Variants in TTLL5 observed in about 807,000 individuals in gnomAD.
TTLL5 encodes the protein tubulin tyrosine ligase like 5.
A neutral mutation model predicts 168.4 loss-of-function variants in TTLL5; 132 were observed. The observed-to-expected ratio is 0.78, with a 90% CI of 0.68 to 0.91. The LOEUF (loss-of-function observed/expected upper bound fraction) is 0.91. TTLL5 is among the 40% of genes least tolerant of loss of function. The probability of loss-of-function intolerance (pLI) is 0.00; values close to 1 mark genes in which losing one functional copy is unlikely to be tolerated. For missense variants in TTLL5, 1,545 were observed against 1,581.5 expected, an observed-to-expected ratio of 0.98 and a Z score of 0.39; for synonymous variants, 546 against 558.6, an observed-to-expected ratio of 0.98 and a Z score of 0.32.
In TTLL5 at chr14:75,669,527, G is replaced by A. The variant is rs762077466; in HGVS notation, c.181+5G>A. ...ACAATATTAGAGTAATTGGAGGTGC[G>A]TATAACCTCTCCCACAGAGGACGGA... On this transcript the variant is annotated splice_donor_5th_base_variant and intron_variant, in intron 3 of 31. Coordinates refer to ENST00000298832, the MANE Select transcript of TTLL5 (RefSeq NM_015072.5). The A allele has an allele frequency of 2.9e-5, 46 of 1,612,038 alleles. No homozygotes were observed. The highest frequency in any genetic ancestry group is 3.3e-5 in the Admixed American group (2 of 59,930).
chr14:75,677,685 A>T (rs1049902586), intron 3 of TTLL5, among the ~76,000 whole-genome samples: 1 of 151,696 alleles, frequency 6.6e-6, no homozygotes, highest in African/African-American at 2.4e-5. Context: ...TGGTGTGATC[A>T]TAGCTCACTG....
chr14:75,746,360 CTT>C lies in TTLL5; in HGVS notation c.1487+782_1487+783del, dbSNP rs909128711. Reference sequence around the variant, plus strand: ...TTTGGGTTGTGTTCAGTTATGGTCTCTTTTGAAGAAAGCCGCTGTGACCATTC... The same window carrying C: ...TTTGGGTTGTGTTCAGTTATGGTCTCTTGAAGAAAGCCGCTGTGACCATTC... On this transcript the variant is annotated intron_variant, in intron 17 of 31. Transcript: ENST00000298832. Among the ~76,000 whole-genome samples, 14 of 152,234 alleles carry C rather than the reference CTT, an allele frequency of 9.2e-5. No homozygotes were observed. The East Asian group carries it at 2.3e-3, about 25-fold the overall frequency.
At chr14:75,938,072 G>T (rs879891842) in intron 31 of TTLL5, among the ~76,000 whole-genome samples, 1 of 152,140 alleles carries the variant, frequency 6.6e-6, no homozygotes, top group Admixed American at 6.5e-5. Flanking sequence ...CATCCTAATG[G>T]GTGTGATGTG....
At chr14:75,741,099 C>A (rs1889235417) in intron 15 of TTLL5, among the ~76,000 whole-genome samples, 1 of 152,142 alleles carries the variant, frequency 6.6e-6, no homozygotes, top group Admixed American at 6.5e-5. Context: ...ACTGGTGGTT[C>A]CTTGTCTCAA....
At chr14:75,908,214 G>A (rs1286236167) in intron 31 of TTLL5, among the ~76,000 whole-genome samples, 1 of 152,260 alleles carries the variant, frequency 6.6e-6, no homozygotes, top group African/African-American at 2.4e-5. Flanking sequence ...AGAGGACAGA[G>A]TGGATCAGAG....
At chr14:75,820,192 G>GC in intron 28 of TTLL5, 31 bp downstream of exon 28, 1 of 1,540,940 alleles carries the variant, frequency 6.5e-7, no homozygotes, top group Non-Finnish European at 8.7e-7. Context: ...CTAGCATTTG[G>GC]GTTACTCAGG....
At chr14:75,916,572 G>A (rs1595263348) in intron 31 of TTLL5, among the ~76,000 whole-genome samples, 1 of 152,100 alleles carries the variant, frequency 6.6e-6, no homozygotes, top group East Asian at 1.9e-4. Flanking sequence ...GGGAGGTCGA[G>A]GCTGCCATGA....
intron 5 of TTLL5, among the ~76,000 whole-genome samples, chr14:75,686,254 G>A (rs79696284): frequency 0.029 from 4,350 of 152,270 alleles, 83 homozygotes; most frequent in Middle Eastern, 0.058. Flanking sequence ...CTGTACACAA[G>A]AATGTACCCC....
intron 18 of TTLL5, among the ~76,000 whole-genome samples, chr14:75,755,274 ATAATAAT>A: frequency 6.8e-6 from 1 of 147,134 alleles, no homozygotes; most frequent in African/African-American, 2.5e-5. Context: ...TCCAAAAATA[ATAATAAT>A]AATAATAATA....
At chr14:75,753,996 T>TA (rs1479006517) in intron 18 of TTLL5, among the ~76,000 whole-genome samples, 1 of 152,208 alleles carries the variant, frequency 6.6e-6, no homozygotes, top group Non-Finnish European at 1.5e-5. Context: ...TCCTGTTAGA[T>TA]AAATTTTGGC....
At chr14:75,762,295 T>G (rs528239121) in intron 18 of TTLL5, among the ~76,000 whole-genome samples, 2 of 152,220 alleles carry the variant, frequency 1.3e-5, no homozygotes, top group African/African-American at 4.8e-5. Flanking sequence ...CCTGGGAGGC[T>G]GAGGCAGGAG....
chr14:75,866,247 A>G (rs968945529), intron 29 of TTLL5, among the ~76,000 whole-genome samples: 3 of 152,222 alleles, frequency 2.0e-5, no homozygotes, highest in East Asian at 1.9e-4. Flanking sequence ...TCTGACCATT[A>G]TAATTATCAC....
chr14:75,813,353 G>GTA (rs1268889415), intron 27 of TTLL5, among the ~76,000 whole-genome samples: 2 of 151,866 alleles, frequency 1.3e-5, no homozygotes, highest in East Asian at 3.9e-4. Context: ...CCAGGCTGGA[G>GTA]TGCAGTGGTG....
Position 75,925,798 on chromosome 14 carries a change from C to T in TTLL5, c.3823+23574C>T, listed in dbSNP as rs1037878543. On this transcript the variant is annotated intron_variant, in intron 31 of 31. Transcript: ENST00000298832. ...GTGAACCAGACTCCGTCTGCAATCCCGGCACCTCGGGAGGCCGAGGCTGGC... is the reference window on the plus strand; with the variant it reads ...GTGAACCAGACTCCGTCTGCAATCCTGGCACCTCGGGAGGCCGAGGCTGGC... Among the ~76,000 whole-genome samples the T allele has an allele frequency of 5.9e-5, 9 of 152,008 alleles. No individual in the cohort carries two copies. In the East Asian group the frequency reaches 9.6e-4, roughly 16 times the overall value.
chr14:75,776,063 T>G (rs967900383), intron 22 of TTLL5, among the ~76,000 whole-genome samples: 1 of 152,190 alleles, frequency 6.6e-6, no homozygotes, highest in Non-Finnish European at 1.5e-5. Context: ...AATTTTACAG[T>G]CAAGCCCAAG....
Position 75,745,140 on chromosome 14 carries a change from G to A in TTLL5, c.1327G>A (p.Val443Met), listed in dbSNP as rs150806352. ...CAGTGATGCGGAAATGAAAAACCTC[G>A]TGGGCTCAGCCCGGGAGAAAGGGCC... ...SASDAEMKNL[V>M]GSAREKGPGK... The change falls in exon 16 of 32, where the codon GTG becomes ATG. Residue 443 changes from valine to methionine, a missense_variant. Val to Met is a conservative substitution (Grantham distance 21). Coordinates refer to ENST00000298832, the MANE Select transcript of TTLL5 (RefSeq NM_015072.5). 893 of 1,613,892 alleles carry A rather than the reference G, an allele frequency of 5.5e-4. No individual in the cohort carries two copies. The highest frequency in any genetic ancestry group is 6.4e-4 in the Non-Finnish European group (760 of 1,179,878).
At chr14:75,857,887 G>C (rs187718067) in intron 28 of TTLL5, among the ~76,000 whole-genome samples, 3 of 152,142 alleles carry the variant, frequency 2.0e-5, no homozygotes, top group Admixed American at 1.3e-4. Flanking sequence ...CTGAACTTAA[G>C]CGATCCGCCC....
chr14:75,735,348 G>C (rs1888815420), intron 15 of TTLL5, 59 bp downstream of exon 15: 1 of 1,539,630 alleles, frequency 6.5e-7, no homozygotes, highest in African/African-American at 1.4e-5. Flanking sequence ...GGCGGCTGAT[G>C]TAACTGTGGG....
intron 29 of TTLL5, among the ~76,000 whole-genome samples, chr14:75,866,751 A>G (rs2030549262): frequency 6.6e-6 from 1 of 152,202 alleles, no homozygotes; most frequent in African/African-American, 2.4e-5. Context: ...CTCAGTATTC[A>G]TGGGGAATGA....
Sources: gnomAD v4.1 joint callset for allele counts (sites outside exome capture counted in the v4.1 genomes callset) on GRCh38, gnomAD v4.1.1 for gene constraint, MANE v1.5 for transcripts, NCBI Gene and HGNC (gene_info 2026-07-23, HGNC 2026-07-21) for gene names.